Variants in TIMM50 observed in about 807,000 individuals in gnomAD.
TIMM50 encodes translocase of inner mitochondrial membrane 50.
Under a neutral mutation model 49.6 loss-of-function variants are expected in TIMM50, and 34 were observed. The ratio of observed to expected loss-of-function variants is 0.69; its 90% CI spans 0.52 to 0.91. The LOEUF (loss-of-function observed/expected upper bound fraction) is 0.91, where lower values mean the gene tolerates loss of function less well. TIMM50 is among the 40% of genes least tolerant of loss of function. TIMM50 has a pLI of 0.00. For synonymous variants in TIMM50, 199 were observed against 198.4 expected (o/e 1.00, Z -0.03); for missense variants, 458 against 477.8 (o/e 0.96, Z 0.39).
rs1202527049 is a variant in TIMM50, at chr19:39,488,197, A to G, written c.833A>G (p.Asp278Gly). Residue 278 changes from aspartate to glycine, a missense_variant, in exon 9 of 11, where the codon GAT (aspartate) becomes GGT (glycine). Asp to Gly is a moderately conservative substitution (Grantham distance 94, BLOSUM62 -1). Coordinates refer to ENST00000607714, the MANE Select transcript of TIMM50 (RefSeq NM_001001563.5). ...DGNSDDRVLLDLSAFLKTIAL... is the reference protein window; with the variant it reads ...DGNSDDRVLLGLSAFLKTIAL... ...AACTCTGATGACCGGGTCTTGTTGGATCTGTCTGCCTTCCTCAAGAGTAAG... is the reference window on the plus strand; with the variant it reads ...AACTCTGATGACCGGGTCTTGTTGGGTCTGTCTGCCTTCCTCAAGAGTAAG... 1 of 1,613,280 alleles carries G rather than the reference A, an allele frequency of 6.2e-7. No individual in the cohort carries two copies.
rs35647910 is a variant in TIMM50, at chr19:39,491,806, A to T, written c.*1986A>T. The T allele has an allele frequency of 7.1e-6, 1 of 140,386 alleles. No individual in the cohort carries two copies. Among genetic ancestry groups the T allele is most frequent in the Admixed American group, 7.2e-5 (1 of 13,954 alleles). 8.7% of individuals were successfully genotyped at this position (140,386 alleles called of 1,614,324 possible). ...CGTGCCGCTAAATTCTAGCCTGGGC[A>T]ACAGAGCGAGACCCTGTCTCAAAAA... is the stretch of plus-strand genomic sequence containing the variant. On this transcript the variant is annotated 3_prime_UTR_variant, in exon 11 of 11. Transcript: ENST00000607714.
intron 1 of TIMM50, 31 bp from the exon 2 acceptor site, chr19:39,481,852 T>G: frequency 6.2e-7 from 1 of 1,603,988 alleles, no homozygotes; most frequent in Non-Finnish European, 8.5e-7. Flanking sequence ...CTCTCTTCTC[T>G]CTTGGCTGAC....
In TIMM50 at chr19:39,486,523, G is replaced by A. The variant is rs774761283; in HGVS notation, c.696+28G>A. 2.5e-6 allele frequency: 4 copies of A among 1,605,752 alleles called. No homozygotes were observed. The East Asian group carries it at 6.7e-5, about 27-fold the overall frequency. ...GCCGTGGGTTCATGGGTGGGCCTCT[G>A]GGATTTGGCGGAGTTGGCACCACCT... On this transcript the variant is annotated intron_variant, in intron 8 of 10. Coordinates refer to ENST00000607714, the MANE Select transcript of TIMM50 (RefSeq NM_001001563.5).
chr19:39,486,270 C>A lies in TIMM50; in HGVS notation c.576C>A (p.Ile192=). Residue 192 remains isoleucine (I), a synonymous_variant, in exon 7 of 11, where the codon ATC becomes ATA. Transcript: ENST00000607714. ...QQLAPLYEIV[I]FTSETGMTAF... Reference sequence around the variant, plus strand: ...TTGCCCCTTTATATGAAATTGTCATCTTTACGTCAGAGACTGGCATGGTGA... The same window carrying A: ...TTGCCCCTTTATATGAAATTGTCATATTTACGTCAGAGACTGGCATGGTGA... 1 of 1,614,160 alleles carries A rather than the reference C, an allele frequency of 6.2e-7. No homozygotes were observed. Among genetic ancestry groups the A allele is most frequent in the African/African-American group, 1.3e-5 (1 of 75,044 alleles).
chr19:39,488,197 A>T lies in TIMM50; in HGVS notation c.833A>T (p.Asp278Val). The change falls in exon 9 of 11, where the codon GAT becomes GTT. Residue 278 changes from aspartate to valine, a missense_variant. Physicochemically the swap from Asp to Val is radical, Grantham distance 152. Coordinates refer to ENST00000607714, the MANE Select transcript of TIMM50 (RefSeq NM_001001563.5). ...DGNSDDRVLL[D>V]LSAFLKTIAL... Reference sequence around the variant, plus strand: ...AACTCTGATGACCGGGTCTTGTTGGATCTGTCTGCCTTCCTCAAGAGTAAG... The same window carrying T: ...AACTCTGATGACCGGGTCTTGTTGGTTCTGTCTGCCTTCCTCAAGAGTAAG... 1 of 1,613,280 alleles carries T rather than the reference A, an allele frequency of 6.2e-7. No homozygotes were observed. Among genetic ancestry groups the T allele is most frequent in the South Asian group, 1.1e-5 (1 of 91,052 alleles).
intron 1 of TIMM50, 191 bp downstream of exon 1, chr19:39,481,152 T>C: frequency 1.4e-6 from 1 of 728,444 alleles, no homozygotes; most frequent in Non-Finnish European, 2.1e-6. Context: ...TCCAGGTGTG[T>C]CCTTAGACCC....
At chr19:39,483,979 G>A (rs994148362) in intron 4 of TIMM50, among the ~76,000 whole-genome samples, 1 of 151,566 alleles carries the variant, frequency 6.6e-6, no homozygotes, top group Non-Finnish European at 1.5e-5. Flanking sequence ...TCAGCCTCCC[G>A]AGTAGCTGGG....
chr19:39,485,234 T>C, intron 4 of TIMM50: 1 of 399,938 alleles, frequency 2.5e-6, no homozygotes, highest in Non-Finnish European at 4.7e-6. Flanking sequence ...AGTGCTGGGA[T>C]TACAGGCGTG....
chr19:39,483,587 T>G (rs2079486434), intron 4 of TIMM50: 2 of 177,492 alleles, frequency 1.1e-5, no homozygotes, highest in Admixed American at 1.2e-4. Context: ...GATGACAAAT[T>G]GGATAGTAGA....
chr19:39,489,695 C>T (rs1257775113), intron 10 of TIMM50, 24 bp from the exon 11 acceptor site: 6 of 1,584,592 alleles, frequency 3.8e-6, no homozygotes, highest in South Asian at 1.2e-5. Context: ...CTGACCCTCT[C>T]CTCCAACTGT....
rs2079504758 is a variant in TIMM50 at position 39,486,241 on chromosome 19, C to T, written c.547C>T (p.Gln183Ter). 6.2e-7 allele frequency: 1 copy of T among 1,614,172 alleles called. No homozygotes were observed. Among genetic ancestry groups the T allele is most frequent in the Non-Finnish European group, 8.5e-7 (1 of 1,180,038 alleles). ...KRPGIETLFQ[Q>*]LAPLYEIVIF... ...CCCAGGCATCGAGACCTTGTTCCAG[C>T]AGCTTGCCCCTTTATATGAAATTGT... The change falls in exon 7 of 11, where the codon CAG becomes TAG. Residue 183 changes from glutamine to a stop codon, truncating the protein, a stop_gained. Transcript: ENST00000607714. LOFTEE classifies it high-confidence loss of function.
At chr19:39,489,627 T>A in intron 10 of TIMM50, 92 bp from the exon 11 acceptor site, 2 of 1,229,004 alleles carry the variant, frequency 1.6e-6, no homozygotes, top group Non-Finnish European at 2.3e-6. Flanking sequence ...GGAAAGGTGG[T>A]CCCTGGGCTG....
rs375545147 is a variant in TIMM50 at position 39,488,225 on chromosome 19, T to A, written c.853+8T>A. 6.2e-7 allele frequency: 1 copy of A among 1,607,724 alleles called. No individual in the cohort carries two copies. The highest frequency in any genetic ancestry group is 8.5e-7 in the Non-Finnish European group (1 of 1,175,006). On this transcript the variant is annotated splice_region_variant and intron_variant, in intron 9 of 10. Transcript: ENST00000607714. The stretch of plus-strand genomic sequence containing the variant: ...TGTCTGCCTTCCTCAAGAGTAAGGC[T>A]GACCCCTGATCCCTTGGCCTCTGAC...
At chr19:39,487,929 T>G in intron 8 of TIMM50, 132 bp from the exon 9 acceptor site, 1 of 1,374,452 alleles carries the variant, frequency 7.3e-7, no homozygotes, top group Non-Finnish European at 9.8e-7. Context: ...AAGCCGGTCT[T>G]TGAGAGGCCC....
rs773052133 is a variant in TIMM50, at chr19:39,488,642, G to C, written c.957G>C (p.Glu319Asp). The change falls in exon 10 of 11, where the codon GAG becomes GAC. Residue 319 changes from glutamate (E) to aspartate (D), a missense_variant. Physicochemically the swap from Glu to Asp is conservative, Grantham distance 45. Coordinates refer to ENST00000607714, the MANE Select transcript of TIMM50 (RefSeq NM_001001563.5). ...AAFKQRQSRLEQEEQQRLAEL... is the reference protein window; with the variant it reads ...AAFKQRQSRLDQEEQQRLAEL... ...TCAAACAGCGGCAAAGCCGGCTAGA[G>C]CAGGTTGGTGCTCAGATGCCCAGAG... The C allele has an allele frequency of 1.9e-6, 3 of 1,613,500 alleles. No homozygotes were observed. The highest frequency in any genetic ancestry group is 4.5e-5 in the East Asian group (2 of 44,892).
chr19:39,489,760 G>A lies in TIMM50; in HGVS notation c.1002G>A (p.Lys334=), dbSNP rs760977543. ...QRLAELSKSN[K]QNLFLGSLTS... is the part of the protein sequence containing the mutation. ...TGGCCGAGCTCTCCAAGTCCAACAA[G>A]CAGAACCTCTTCCTTGGCTCCCTCA... is the stretch of plus-strand genomic sequence containing the variant. The change falls in exon 11 of 11, where the codon AAG becomes AAA. Residue 334 remains lysine (K), a synonymous_variant. Coordinates refer to ENST00000607714, the MANE Select transcript of TIMM50 (RefSeq NM_001001563.5). 16 of 1,612,440 alleles carry A rather than the reference G, an allele frequency of 9.9e-6. No homozygotes were observed. The highest frequency in any genetic ancestry group is 1.3e-5 in the Non-Finnish European group (15 of 1,179,508).
intron 6 of TIMM50, 116 bp downstream of exon 6, chr19:39,485,923 A>C (rs1485470870): frequency 6.9e-7 from 1 of 1,447,022 alleles, no homozygotes; most frequent in African/African-American, 1.4e-5. Flanking sequence ...GTCACCTGTC[A>C]TTGCCTCGCT....
At chr19:39,484,118 GC>G (rs1329598050) in intron 4 of TIMM50, among the ~76,000 whole-genome samples, 1 of 152,178 alleles carries the variant, frequency 6.6e-6, no homozygotes, top group Non-Finnish European at 1.5e-5. Flanking sequence ...CTCCCAAAGT[GC>G]TGGGATTACA....
At chr19:39,485,979 G>A in intron 6 of TIMM50, 172 bp downstream of exon 6, 1 of 1,175,718 alleles carries the variant, frequency 8.5e-7, no homozygotes, top group South Asian at 1.4e-5. Context: ...CACTCTGTAG[G>A]GTAGTGTAGG....
Sources: gnomAD v4.1 joint callset for allele counts (sites outside exome capture counted in the v4.1 genomes callset) on GRCh38, gnomAD v4.1.1 for gene constraint, MANE v1.5 for transcripts, NCBI Gene and HGNC (gene_info 2026-07-23, HGNC 2026-07-21) for gene names.